RNF175: variants seen among roughly 807,000 people sequenced by gnomAD.
RNF175 encodes ring finger protein 175.
In RNF175, 38 loss-of-function variants were observed where a neutral mutation model predicts 50.0. That is an observed-to-expected ratio of 0.76 (90% CI 0.59 to 1.00). The LOEUF (loss-of-function observed/expected upper bound fraction) is 1.00, where lower values mean the gene tolerates loss of function less well. RNF175 is among the 50% of genes least tolerant of loss of function. The pLI, the probability that RNF175 is intolerant of heterozygous loss-of-function variation, is 0.00. For synonymous variants in RNF175, 155 were observed against 146.1 expected (o/e 1.06, Z -0.44); for missense variants, 388 against 409.6 (o/e 0.95, Z 0.46).
At chr4:153,729,754 T>C in intron 3 of RNF175, 1 of 984,760 alleles carries the variant, frequency 1.0e-6, no homozygotes, top group Non-Finnish European at 1.2e-6. Flanking sequence ...CAGAGAACCC[T>C]AGAGTTGTTA....
At chr4:153,729,140 T>C (rs1353378385) in intron 3 of RNF175, among the ~76,000 whole-genome samples, 1 of 152,226 alleles carries the variant, frequency 6.6e-6, no homozygotes, top group Non-Finnish European at 1.5e-5. Flanking sequence ...TCACCCCTCT[T>C]GGGAAAAGCA....
intron 3 of RNF175, among the ~76,000 whole-genome samples, chr4:153,732,625 G>C (rs1739106434): frequency 6.6e-6 from 1 of 152,116 alleles, no homozygotes; most frequent in East Asian, 1.9e-4. Flanking sequence ...CCCAAGTTCT[G>C]GGCATGTAGT....
chr4:153,739,665 G>C (rs1162836110), intron 3 of RNF175, among the ~76,000 whole-genome samples: 2 of 152,114 alleles, frequency 1.3e-5, no homozygotes, highest in African/African-American at 4.8e-5. Flanking sequence ...TCTGGATATA[G>C]AATCCTAGAC....
chr4:153,756,109 G>A (rs1201947297), intron 1 of RNF175, among the ~76,000 whole-genome samples: 1 of 152,246 alleles, frequency 6.6e-6, no homozygotes, highest in East Asian at 1.9e-4. Flanking sequence ...TTTACATTAA[G>A]TGTATTCTAC....
intron 6 of RNF175, among the ~76,000 whole-genome samples, chr4:153,717,563 CTG>C (rs1738016755): frequency 6.9e-6 from 1 of 144,954 alleles, no homozygotes; most frequent in Non-Finnish European, 1.5e-5. Flanking sequence ...ACATACATAT[CTG>C]TAAATATTTC....
Position 153,720,247 on chromosome 4 carries a change from G to GTAGA in RNF175, c.563_566dup (p.Tyr190LeufsTer51). ...CAAAGTCTCTCCCCATTACTCCATA[G>GTAGA]TAGAGGCCGTAGAACAAAGACACAA... On this transcript the variant is annotated frameshift_variant, in exon 6 of 9. Coordinates refer to ENST00000347063, the MANE Select transcript of RNF175 (RefSeq NM_173662.4). LOFTEE classifies it high-confidence loss of function. 6.2e-7 allele frequency: 1 copy of GTAGA among 1,613,142 alleles called. No homozygotes were observed. Among genetic ancestry groups the GTAGA allele is most frequent in the African/African-American group, 1.3e-5 (1 of 74,998 alleles).
chr4:153,747,852 C>T (rs1740060194), intron 3 of RNF175, among the ~76,000 whole-genome samples: 1 of 152,216 alleles, frequency 6.6e-6, no homozygotes, highest in South Asian at 2.1e-4. Context: ...GCTGTTATAA[C>T]AGAATACCAC....
At chr4:153,738,060 C>CT (rs935846971) in intron 3 of RNF175, among the ~76,000 whole-genome samples, 27 of 151,934 alleles carry the variant, frequency 1.8e-4, no homozygotes, top group Admixed American at 1.4e-3. Context: ...TTCTTTCTTT[C>CT]TTTTTTTGAG....
chr4:153,736,061 A>G (rs1739340108), intron 3 of RNF175, among the ~76,000 whole-genome samples: 2 of 152,318 alleles, frequency 1.3e-5, no homozygotes, highest in South Asian at 4.1e-4. Context: ...CTTAGAGGGA[A>G]ATCATCCAGT....
rs74570916 is a variant in RNF175 at position 153,710,851 on chromosome 4, G to A, written c.867-362C>T. On this transcript the variant is annotated intron_variant, in intron 8 of 8. Coordinates refer to ENST00000347063, the MANE Select transcript of RNF175 (RefSeq NM_173662.4). ...AGCAAAAACAGCTCTGGGCTTTCCT[G>A]TAGTCATACATTAGAATGAACCCAT... is the stretch of plus-strand genomic sequence containing the variant. Among the ~76,000 whole-genome samples, 600 of 152,290 alleles carry A rather than the reference G, an allele frequency of 3.9e-3. 15 individuals are homozygous for A. In the East Asian group the frequency reaches 0.066, roughly 17 times the overall value.
At position 153,734,540 on chromosome 4, in the gene RNF175, A is replaced by G. The variant is rs1222038796; in HGVS notation, c.247-6179T>C. On this transcript the variant is annotated intron_variant, in intron 3 of 8. Coordinates refer to ENST00000347063, the MANE Select transcript of RNF175 (RefSeq NM_173662.4). ...TAATTAATTACATAAGTTAATCCAG[A>G]TCTTTTGCCATTTTTAATGAGTTGT... Among the ~76,000 whole-genome samples the G allele has an allele frequency of 2.0e-5, 3 of 151,382 alleles. No homozygotes were observed. The East Asian group carries it at 5.8e-4, about 29-fold the overall frequency.
chr4:153,719,533 C>T lies in RNF175; in HGVS notation c.630+651G>A, dbSNP rs184117559. On this transcript the variant is annotated intron_variant, in intron 6 of 8. Coordinates refer to ENST00000347063, the MANE Select transcript of RNF175 (RefSeq NM_173662.4). ...GCAAGAGTCAGACATAGATAAATGC[C>T]CCTGATATCTGAATCAGGAATACAT... 3.3e-5 allele frequency among the ~76,000 whole-genome samples: 5 copies of T among 152,164 alleles called. No individual in the cohort carries two copies. In the East Asian group the frequency reaches 7.7e-4, roughly 23 times the overall value.
At chr4:153,720,136 T>C (rs1298077067) in intron 6 of RNF175, 48 bp downstream of exon 6, 1 of 1,597,346 alleles carries the variant, frequency 6.3e-7, no homozygotes, top group South Asian at 1.1e-5. Flanking sequence ...GATGAGACCA[T>C]TTCTCTTTGT....
At position 153,723,421 on chromosome 4, in the gene RNF175, T is replaced by C; in HGVS notation, c.439A>G (p.Ser147Gly). 1 of 1,606,444 alleles carries C rather than the reference T, an allele frequency of 6.2e-7. No homozygotes were observed. Among genetic ancestry groups the C allele is most frequent in the Non-Finnish European group, 8.5e-7 (1 of 1,173,654 alleles). Residue 147 changes from serine to glycine, a missense_variant, in exon 5 of 9, where the codon AGC becomes GGC. Transcript: ENST00000347063. ...YKWFLLIYKL[S>G]YAFGVVGYLA... ...TAACCCACAACACCAAATGCATAGC[T>C]GAGTTTGTAGATCAAAAGAAACCAT...
intron 6 of RNF175, among the ~76,000 whole-genome samples, chr4:153,715,956 C>T (rs777970456): frequency 2.8e-4 from 42 of 149,346 alleles, no homozygotes; most frequent in Middle Eastern, 3.4e-3. Context: ...CCCAGCTACT[C>T]GGGAGGCTGA....
intron 3 of RNF175, among the ~76,000 whole-genome samples, chr4:153,741,403 C>A (rs1467594393): frequency 6.6e-6 from 1 of 152,168 alleles, no homozygotes; most frequent in Non-Finnish European, 1.5e-5. Context: ...GGAGGTAAAA[C>A]CTAAACAAAA....
At chr4:153,721,146 C>A (rs1418562065) in intron 5 of RNF175, among the ~76,000 whole-genome samples, 1 of 136,520 alleles carries the variant, frequency 7.3e-6, no homozygotes, top group Non-Finnish European at 1.6e-5. Flanking sequence ...TTGTGATCAT[C>A]CCCCCAGCCA....
chr4:153,716,414 A>T (rs1487524639), intron 6 of RNF175, among the ~76,000 whole-genome samples: 2 of 152,082 alleles, frequency 1.3e-5, no homozygotes, highest in African/African-American at 4.8e-5. Flanking sequence ...TTAAATCCCC[A>T]TGTTTTTATT....
At chr4:153,720,009 TGAAA>T (rs1738230540) in intron 6 of RNF175, among the ~76,000 whole-genome samples, 171 bp downstream of exon 6, 1 of 152,228 alleles carries the variant, frequency 6.6e-6, no homozygotes, top group Non-Finnish European at 1.5e-5. Flanking sequence ...AATTTTTTGA[TGAAA>T]GGAGAATCCA....
Sources: gnomAD v4.1 joint callset for allele counts (sites outside exome capture counted in the v4.1 genomes callset) on GRCh38, gnomAD v4.1.1 for gene constraint, MANE v1.5 for transcripts, NCBI Gene and HGNC (gene_info 2026-07-23, HGNC 2026-07-21) for gene names.